The following KAT7 variants were observed in gnomAD, a reference collection of about 807,000 sequenced individuals.
The protein encoded by KAT7 is histone acetyltransferase KAT7.
A neutral mutation model predicts 82.1 loss-of-function variants in KAT7; 10 were observed. The observed-to-expected ratio is 0.12, with a 90% CI of 0.08 to 0.21. The LOEUF is 0.21. Ranked by LOEUF, KAT7 falls within the 10% of genes least tolerant of loss-of-function variation. The probability of loss-of-function intolerance (pLI) is 1.00; values close to 1 mark genes in which losing one functional copy is unlikely to be tolerated. For synonymous variants in KAT7, 250 were observed against 262.5 expected (o/e 0.95, Z 0.46); for missense variants, 378 against 760.9 (o/e 0.50, Z 5.92).
In KAT7 at chr17:49,791,983, G is replaced by A. The variant is rs1218314460; in HGVS notation, c.113G>A (p.Arg38Gln). 15 of 1,614,016 alleles carry A rather than the reference G, an allele frequency of 9.3e-6. No homozygotes were observed. Among genetic ancestry groups the A allele is most frequent in the East Asian group, 2.2e-5 (1 of 44,894 alleles). The change falls in exon 2 of 15, where the codon CGA becomes CAA. Residue 38 changes from arginine (R) to glutamine (Q), a missense_variant. Around this residue, in one of 6 missense-constraint regions of KAT7, gnomAD observed 161 missense variants for 229.6 expected, o/e 0.70. Transcript: ENST00000259021. ...TCAGAAAGTGATGGCACATCCCGAC[G>A]ATCTGCTCGAGTCACCCGCTCCTCA... ...DSSESDGTSR[R>Q]SARVTRSSAR... is the part of the protein sequence containing the mutation.
chr17:49,823,174 G>A lies in KAT7; in HGVS notation c.1387-28G>A, dbSNP rs1229407545. ...ACCTTTGGTTTCAAATCCTCATGAC[G>A]TGTTCATCTGTTTGCTCTTGATTTT... On this transcript the variant is annotated intron_variant, in intron 11 of 14. Transcript: ENST00000259021. 4 of 1,237,476 alleles carry A rather than the reference G, an allele frequency of 3.2e-6. No individual in the cohort carries two copies. In the Admixed American group the frequency reaches 5.1e-5, roughly 16 times the overall value. The allele number at this position is 1,237,476 out of a possible 1,614,324, so 76.7% of individuals were successfully genotyped here.
intron 8 of KAT7, among the ~76,000 whole-genome samples, chr17:49,816,815 A>AT (rs938944171): frequency 3.7e-4 from 55 of 147,014 alleles, no homozygotes; most frequent in South Asian, 4.3e-4. Context: ...GGATATCCGA[A>AT]TTTTTTTTTT....
intron 10 of KAT7, 30 bp from the exon 11 acceptor site, chr17:49,821,620 C>T: frequency 1.2e-6 from 2 of 1,611,830 alleles, no homozygotes; most frequent in Non-Finnish European, 8.5e-7. Flanking sequence ...ATCAGTGGCC[C>T]ACACATGAAC....
chr17:49,814,143 C>T (rs746530816), intron 7 of KAT7, among the ~76,000 whole-genome samples: 11 of 152,176 alleles, frequency 7.2e-5, no homozygotes, highest in African/African-American at 1.9e-4. Flanking sequence ...TTGCCCACTT[C>T]GGCCTCCCAA....
intron 5 of KAT7, 56 bp downstream of exon 5, chr17:49,805,501 G>A: frequency 7.5e-7 from 1 of 1,334,858 alleles, no homozygotes; most frequent in Admixed American, 1.7e-5. Flanking sequence ...CCGTTTGCCA[G>A]GCACTTTGCT....
chr17:49,814,348 A>G (rs369866899), intron 7 of KAT7, among the ~76,000 whole-genome samples: 15 of 152,210 alleles, frequency 9.9e-5, no homozygotes, highest in Non-Finnish European at 1.5e-4. Flanking sequence ...GTAGTGGGCT[A>G]TAGGGTACCA....
At chr17:49,813,265 A>G (rs993784401) in intron 7 of KAT7, among the ~76,000 whole-genome samples, 1 of 152,098 alleles carries the variant, frequency 6.6e-6, no homozygotes, top group Non-Finnish European at 1.5e-5. Flanking sequence ...TATAAGTGAG[A>G]ACATGCTGTG....
Position 49,828,657 on chromosome 17 carries a change from A to T in KAT7, c.*1155A>T, listed in dbSNP as rs1428219517. 2 of 152,410 alleles carry T rather than the reference A, an allele frequency of 1.3e-5. No individual in the cohort carries two copies. Among genetic ancestry groups the T allele is most frequent in the Non-Finnish European group, 2.9e-5 (2 of 68,014 alleles). 9.4% of individuals were successfully genotyped at this position (152,410 alleles called of 1,614,324 possible). On this transcript the variant is annotated 3_prime_UTR_variant, in exon 15 of 15. Coordinates refer to ENST00000259021, the MANE Select transcript of KAT7 (RefSeq NM_007067.5). ...TTTTGGGATTTGTCACCATCCTTCT[A>T]TTCTCTGGTCTTCTATTTTTGGTGT...
rs773507307 is a variant in KAT7 at position 49,791,909 on chromosome 17, T to A, written c.39T>A (p.Asp13Glu). Residue 13 changes from aspartate (D) to glutamate (E), a missense_variant, in exon 2 of 15, where the codon GAT (aspartate) becomes GAA (glutamate). This residue lies in a region of KAT7 where 161 missense variants were observed against 229.6 expected (regional missense o/e 0.70). Transcript: ENST00000259021. ...RRKRNAGSSSDGTEDSDFSTD... is the reference protein window; with the variant it reads ...RRKRNAGSSSEGTEDSDFSTD... Reference sequence around the variant, plus strand: ...AGAGGAATGCAGGCAGTAGTTCAGATGGAACCGAAGATTCCGATTTTTCTA... The same window carrying A: ...AGAGGAATGCAGGCAGTAGTTCAGAAGGAACCGAAGATTCCGATTTTTCTA... The A allele has an allele frequency of 1.9e-6, 3 of 1,614,190 alleles. No individual in the cohort carries two copies. Among genetic ancestry groups the A allele is most frequent in the Non-Finnish European group, 1.7e-6 (2 of 1,180,000 alleles).
intron 12 of KAT7, among the ~76,000 whole-genome samples, chr17:49,825,589 A>G (rs1276396589): frequency 6.6e-6 from 1 of 152,230 alleles, no homozygotes; most frequent in Non-Finnish European, 1.5e-5. Context: ...CAACCTTCAC[A>G]TAACTTTTAT....
Position 49,794,751 on chromosome 17 carries a change from G to A in KAT7, c.164-1999G>A, listed in dbSNP as rs115081096. Among the ~76,000 whole-genome samples the A allele has an allele frequency of 1.4e-3, 216 of 152,334 alleles. 2 individuals are homozygous for A. The highest frequency in any genetic ancestry group is 5.1e-3 in the African/African-American group (211 of 41,570). ...ACCTGAAAACTAAATATTCAAAACA[G>A]CTAGGAAATGCGTAAGCACTGAGTC... On this transcript the variant is annotated intron_variant, in intron 2 of 14. Transcript: ENST00000259021.
At chr17:49,817,196 T>C (rs2074245094) in intron 8 of KAT7, among the ~76,000 whole-genome samples, 1 of 152,206 alleles carries the variant, frequency 6.6e-6, no homozygotes, top group Non-Finnish European at 1.5e-5. Flanking sequence ...GGAGTTTGTA[T>C]CTGTGATGAT....
chr17:49,797,029 C>G, intron 3 of KAT7, 103 bp downstream of exon 3: 1 of 864,046 alleles, frequency 1.2e-6, no homozygotes, highest in Non-Finnish European at 1.8e-6. Flanking sequence ...AATACTTCAG[C>G]TAGATGAATG....
At chr17:49,806,546 A>T (rs765750207) in intron 5 of KAT7, among the ~76,000 whole-genome samples, 4 of 152,212 alleles carry the variant, frequency 2.6e-5, no homozygotes, top group Non-Finnish European at 4.4e-5. Flanking sequence ...CATCTATGTC[A>T]GAAGCAGGAA....
At chr17:49,809,518 T>C (rs1018482270) in intron 6 of KAT7, among the ~76,000 whole-genome samples, 5 of 152,192 alleles carry the variant, frequency 3.3e-5, no homozygotes, top group Admixed American at 3.3e-4. Context: ...TTAAGACTAT[T>C]GTAGCTTTCA....
chr17:49,825,529 C>T (rs912558896), intron 12 of KAT7, among the ~76,000 whole-genome samples: 7 of 152,150 alleles, frequency 4.6e-5, no homozygotes, highest in Non-Finnish European at 8.8e-5. Flanking sequence ...TAGTCAACTG[C>T]GGTCCAAAAA....
Position 49,826,059 on chromosome 17 carries a change from C to T in KAT7, c.1540C>T (p.Leu514=), listed in dbSNP as rs561554914. ...CTCCCCAGAACGTCCACTCTCAGATCTGGGGCTTATAAGCTATCGCAGTTA... is the reference window on the plus strand; with the variant it reads ...CTCCCCAGAACGTCCACTCTCAGATTTGGGGCTTATAAGCTATCGCAGTTA... The part of the protein sequence containing the change: ...VGSPERPLSD[L]GLISYRSYWK... Residue 514 remains leucine (L), a synonymous_variant, in exon 13 of 15, where the codon CTG becomes TTG. Transcript: ENST00000259021. 7.4e-6 allele frequency: 12 copies of T among 1,613,654 alleles called. No individual in the cohort carries two copies. The East Asian group carries it at 2.5e-4, about 33-fold the overall frequency.
chr17:49,790,850 T>C (rs1391852491), intron 1 of KAT7, among the ~76,000 whole-genome samples: 1 of 152,258 alleles, frequency 6.6e-6, no homozygotes, highest in Non-Finnish European at 1.5e-5. Flanking sequence ...AATTGGGACT[T>C]ACAGTGTGAA....
chr17:49,833,862 A>G lies in KAT7; in HGVS notation c.*6360A>G, dbSNP rs2074442894. ...TTGATACATGGCAATGGAGAAGTGA[A>G]ACAAGGGGACTTCGGAAACTAAAGG... On this transcript the variant is annotated 3_prime_UTR_variant, in exon 15 of 15. Coordinates refer to ENST00000259021, the MANE Select transcript of KAT7 (RefSeq NM_007067.5). 1 of 152,224 alleles carries G rather than the reference A, an allele frequency of 6.6e-6. No homozygotes were observed. The highest frequency in any genetic ancestry group is 1.5e-5 in the Non-Finnish European group (1 of 68,040). The allele number at this position is 152,224 out of a possible 1,614,324, so 9.4% of individuals were successfully genotyped here. A position where few individuals can be genotyped will look rare whatever the true frequency, so the allele number is the denominator to read the frequency against.
Sources: allele counts gnomAD v4.1 joint callset (sites outside exome capture counted in the v4.1 genomes callset), GRCh38; gene constraint gnomAD v4.1.1; regional missense constraint gnomAD v4.1.1; transcripts MANE v1.5; gene names NCBI Gene and HGNC (gene_info 2026-07-23, HGNC 2026-07-21).